The following LINC00305 variants were observed in gnomAD, a reference collection of about 807,000 sequenced individuals.
LINC00305 encodes the protein long independently transcribed non-coding RNA 305, also known as long intergenic non-protein coding RNA 305.
intron 1 of LINC00305, among the ~76,000 whole-genome samples, chr18:64,098,933 A>C (rs552734110): frequency 2.0e-4 from 30 of 152,320 alleles, no homozygotes; most frequent in Non-Finnish European, 3.8e-4. Context: ...GTTTCATACA[A>C]TGTAAGGAAG....
At chr18:64,124,828 C>T (rs2144262412) in intron 1 of LINC00305, among the ~76,000 whole-genome samples, 1 of 152,174 alleles carries the variant, frequency 6.6e-6, no homozygotes, top group African/African-American at 2.4e-5. Flanking sequence ...AAAACAGAAG[C>T]ACAGAGAGAT....
chr18:64,083,476 T>A (rs2051192288), intron 3 of LINC00305, among the ~76,000 whole-genome samples: 2 of 152,238 alleles, frequency 1.3e-5, no homozygotes, highest in Admixed American at 6.5e-5. Flanking sequence ...TAGTCTTCAA[T>A]ACACTGTACG....
In LINC00305 at chr18:64,147,987, A is replaced by T. The variant is rs1420085291; in HGVS notation, n.314+788T>A. On this transcript the variant is annotated intron_variant and non_coding_transcript_variant, in intron 1 of 3. Coordinates refer to ENST00000666468, the Ensembl canonical transcript of LINC00305. ...CATTCTTTCTGGGACATCTGGTAACATCATAGGGAACCATCTCGGATGTAC... is the reference window on the plus strand; with the variant it reads ...CATTCTTTCTGGGACATCTGGTAACTTCATAGGGAACCATCTCGGATGTAC... Among the ~76,000 whole-genome samples, 4 of 151,744 alleles carry T rather than the reference A, an allele frequency of 2.6e-5. No homozygotes were observed. The East Asian group carries it at 5.8e-4, about 22-fold the overall frequency.
rs558564357 is a variant in LINC00305, at chr18:64,113,198, G to A, written n.315-14558C>T. 3.3e-5 allele frequency among the ~76,000 whole-genome samples: 5 copies of A among 152,320 alleles called. No individual in the cohort carries two copies. In the East Asian group the frequency reaches 5.8e-4, roughly 18 times the overall value. On this transcript the variant is annotated intron_variant and non_coding_transcript_variant, in intron 1 of 3. Transcript: ENST00000666468. ...AAGCGTGGGCTACAGTCAGAGGGAC[G>A]AGGGAACTACATTTCACTCTGCCAC...
chr18:64,121,371 T>C (rs1401641442), intron 1 of LINC00305, among the ~76,000 whole-genome samples: 1 of 152,050 alleles, frequency 6.6e-6, no homozygotes, highest in African/African-American at 2.4e-5. Flanking sequence ...GAGTCTTCAT[T>C]GTCCATCATT....
At chr18:64,122,350 GT>G (rs1378980861) in intron 1 of LINC00305, among the ~76,000 whole-genome samples, 1 of 151,922 alleles carries the variant, frequency 6.6e-6, no homozygotes, top group Non-Finnish European at 1.5e-5. Context: ...TTCATCTTAA[GT>G]TGATTTTTGT....
intron 3 of LINC00305, among the ~76,000 whole-genome samples, chr18:64,092,844 A>G (rs1457884221): frequency 1.3e-5 from 2 of 152,226 alleles, no homozygotes; most frequent in African/African-American, 4.8e-5. Flanking sequence ...AATACATTTC[A>G]TTAAGGATGT....
intron 1 of LINC00305, among the ~76,000 whole-genome samples, chr18:64,109,810 G>A (rs2051307468): frequency 6.6e-6 from 1 of 152,136 alleles, no homozygotes; most frequent in Non-Finnish European, 1.5e-5. Flanking sequence ...GAGGATTGAT[G>A]TGCACCACCT....
chr18:64,097,845 A>C (rs773881200), exon 3 of LINC00305: 20 of 457,882 alleles, frequency 4.4e-5, no homozygotes, highest in South Asian at 3.1e-4. Flanking sequence ...TTTATTCTTC[A>C]TTGAGAGCAT....
At position 64,108,558 on chromosome 18, in the gene LINC00305, C is replaced by T. The variant is rs921570335; in HGVS notation, n.315-9918G>A. Among the ~76,000 whole-genome samples the T allele has an allele frequency of 2.0e-5, 3 of 152,104 alleles. 1 individual carries two copies. The highest frequency in any genetic ancestry group is 7.2e-5 in the African/African-American group (3 of 41,398). On this transcript the variant is annotated intron_variant and non_coding_transcript_variant, in intron 1 of 3. Coordinates refer to ENST00000666468, the Ensembl canonical transcript of LINC00305. ...CACAGAAGGCCTCTTAGAGTTGTCT[C>T]CCAGGACTAATAAATTAGAACCAGA... is the stretch of plus-strand genomic sequence containing the variant.
chr18:64,108,540 G>A (rs1292346104), intron 1 of LINC00305, among the ~76,000 whole-genome samples: 1 of 152,148 alleles, frequency 6.6e-6, no homozygotes, highest in African/African-American at 2.4e-5. Flanking sequence ...GGTCACAGAA[G>A]GCCTCTTAGA....
At chr18:64,140,578 A>G (rs1568118947) in intron 1 of LINC00305, among the ~76,000 whole-genome samples, 1 of 151,992 alleles carries the variant, frequency 6.6e-6, no homozygotes, top group Non-Finnish European at 1.5e-5. Flanking sequence ...CATCTCCCCA[A>G]CTAAAATGAA....
intron 3 of LINC00305, among the ~76,000 whole-genome samples, chr18:64,091,218 G>A (rs905284517): frequency 3.3e-5 from 5 of 152,142 alleles, no homozygotes; most frequent in Non-Finnish European, 7.4e-5. Context: ...CGACCTCTCT[G>A]GGCTGTCTGC....
chr18:64,097,145 A>T (rs2051248053), intron 3 of LINC00305, among the ~76,000 whole-genome samples: 1 of 152,066 alleles, frequency 6.6e-6, no homozygotes, highest in South Asian at 2.1e-4. Flanking sequence ...TTATAACTGG[A>T]TATAACTATC....
At chr18:64,119,376 G>A (rs191947987) in intron 1 of LINC00305, among the ~76,000 whole-genome samples, 6 of 152,106 alleles carry the variant, frequency 3.9e-5, no homozygotes, top group African/African-American at 1.4e-4. Flanking sequence ...GTGAAGTTTA[G>A]GTTGGAGACT....
At chr18:64,127,059 T>C (rs1191572275) in intron 1 of LINC00305, among the ~76,000 whole-genome samples, 1 of 152,134 alleles carries the variant, frequency 6.6e-6, no homozygotes, top group Non-Finnish European at 1.5e-5. Flanking sequence ...TACAGATCAA[T>C]GGAAGAGTAA....
chr18:64,103,410 A>G (rs1197944558), intron 1 of LINC00305, among the ~76,000 whole-genome samples: 1 of 152,122 alleles, frequency 6.6e-6, no homozygotes, highest in Non-Finnish European at 1.5e-5. Context: ...TCTTGTTACT[A>G]ATGAAAAGCC....
chr18:64,087,672 G>T (rs995033587), intron 3 of LINC00305, among the ~76,000 whole-genome samples: 3 of 152,008 alleles, frequency 2.0e-5, no homozygotes. Flanking sequence ...AAAAATATAC[G>T]ATTGCTTTTG....
At chr18:64,144,243 G>A (rs2051486008) in intron 1 of LINC00305, among the ~76,000 whole-genome samples, 1 of 152,110 alleles carries the variant, frequency 6.6e-6, no homozygotes, top group Non-Finnish European at 1.5e-5. Flanking sequence ...AGGTTTTGTT[G>A]CCAATAGCCT....
Sources: allele counts gnomAD v4.1 joint callset (sites outside exome capture counted in the v4.1 genomes callset), GRCh38; gene constraint gnomAD v4.1.1; transcripts MANE v1.5; gene names NCBI Gene and HGNC (gene_info 2026-07-23, HGNC 2026-07-21).